The following LPP variants were observed in gnomAD, a reference collection of about 807,000 sequenced individuals.
LPP encodes the protein lipoma-preferred partner.
A neutral mutation model predicts 60.4 loss-of-function variants in LPP; 38 were observed. The ratio of observed to expected loss-of-function variants is 0.63; its 90% CI spans 0.49 to 0.83. LPP has a LOEUF of 0.83. Among genes scored for constraint, LPP ranks in the 40% least tolerant of loss-of-function variants. The pLI is 0.00. For synonymous variants in LPP, 328 were observed against 290.8 expected (o/e 1.13, Z -1.30); for missense variants, 902 against 783.6 (o/e 1.15, Z -1.80).
intron 2 of LPP, among the ~76,000 whole-genome samples, chr3:188,253,003 C>A (rs548605714): frequency 1.3e-5 from 2 of 151,256 alleles, no homozygotes; most frequent in Non-Finnish European, 2.9e-5. Context: ...AAACTCCTAA[C>A]CTCAAGTGAT....
At chr3:188,478,128 T>G (rs2149593162) in intron 4 of LPP, among the ~76,000 whole-genome samples, 1 of 152,356 alleles carries the variant, frequency 6.6e-6, no homozygotes, top group Middle Eastern at 3.4e-3. Flanking sequence ...TGTTTTATCC[T>G]CTCACTTTTT....
In LPP at chr3:188,609,630, A is replaced by C. The variant is rs866790900; in HGVS notation, c.899A>C (p.Tyr300Ser). 6.2e-7 allele frequency: 1 copy of C among 1,614,062 alleles called. No homozygotes were observed. Among genetic ancestry groups the C allele is most frequent in the African/African-American group, 1.3e-5 (1 of 74,920 alleles). ...APNQGRYYEG[Y>S]YAAGPGYGGR... ...AACCAGGGACGCTATTATGAAGGCT[A>C]CTATGCAGCAGGGCCAGGCTATGGG... The change falls in exon 7 of 12, where the codon TAC becomes TCC. Residue 300 changes from tyrosine to serine, a missense_variant. Coordinates refer to ENST00000617246, the MANE Select transcript of LPP (RefSeq NM_001375462.1). This position sits in a 1 kb window ranked among gnomAD's most constrained non-coding sequence, Gnocchi z 6.9.
intron 2 of LPP, among the ~76,000 whole-genome samples, chr3:188,316,443 A>G (rs1172928444): frequency 6.7e-6 from 1 of 149,566 alleles, no homozygotes; most frequent in Non-Finnish European, 1.5e-5. Flanking sequence ...CTACTGGAAG[A>G]AAAAAAAAAT....
At chr3:188,338,513 GT>G (rs893090225) in intron 2 of LPP, among the ~76,000 whole-genome samples, 2 of 152,188 alleles carry the variant, frequency 1.3e-5, no homozygotes, top group African/African-American at 4.8e-5. Context: ...TTTCGCAGTG[GT>G]TTTGGGATAA....
intron 2 of LPP, among the ~76,000 whole-genome samples, chr3:188,242,844 A>T (rs1725471368): frequency 6.6e-6 from 1 of 152,248 alleles, no homozygotes; most frequent in Non-Finnish European, 1.5e-5. Flanking sequence ...CGATGTCTAC[A>T]AAATGCTTTA....
chr3:188,756,471 T>G (rs1287644559), intron 8 of LPP, among the ~76,000 whole-genome samples: 1 of 152,152 alleles, frequency 6.6e-6, no homozygotes, highest in East Asian at 1.9e-4. Context: ...TGTTTAAAAG[T>G]GCTGAGATAC....
At chr3:188,169,748 T>C (rs1721011006) in intron 1 of LPP, among the ~76,000 whole-genome samples, 1 of 152,170 alleles carries the variant, frequency 6.6e-6, no homozygotes, top group African/African-American at 2.4e-5. Context: ...TGATGTAATA[T>C]GCTTTGGGGA....
chr3:188,670,138 G>T (rs1856678320), intron 7 of LPP, among the ~76,000 whole-genome samples: 2 of 152,114 alleles, frequency 1.3e-5, no homozygotes, highest in Non-Finnish European at 2.9e-5. Context: ...AGCATTAGGA[G>T]AAATACCTAA....
Position 188,625,630 on chromosome 3 carries a change from A to G in LPP, c.1113+15786A>G, listed in dbSNP as rs192414467. ...GAATCAACAATATGAAATATGTGGAACTTGAAATCATAGTTTCCAACTTTT... is the reference window on the plus strand; with the variant it reads ...GAATCAACAATATGAAATATGTGGAGCTTGAAATCATAGTTTCCAACTTTT... On this transcript the variant is annotated intron_variant, in intron 7 of 11. Transcript: ENST00000617246. 1.3e-3 allele frequency among the ~76,000 whole-genome samples: 193 copies of G among 152,322 alleles called. 1 individual carries two copies. Among genetic ancestry groups the G allele is most frequent in the African/African-American group, 4.4e-3 (183 of 41,570 alleles).
intron 6 of LPP, among the ~76,000 whole-genome samples, chr3:188,585,154 T>G (rs1270962909): frequency 1.3e-5 from 2 of 152,222 alleles, no homozygotes; most frequent in African/African-American, 4.8e-5. Flanking sequence ...AATATGATTC[T>G]GCAGAGAACC....
chr3:188,761,645 C>T (rs957665287), intron 9 of LPP, among the ~76,000 whole-genome samples: 2 of 152,210 alleles, frequency 1.3e-5, no homozygotes, highest in South Asian at 2.1e-4. Flanking sequence ...CCGTTATTCA[C>T]GCTCCACAGT....
At chr3:188,514,604 G>A (rs1560504855) in intron 5 of LPP, among the ~76,000 whole-genome samples, 1 of 151,960 alleles carries the variant, frequency 6.6e-6, no homozygotes, top group Admixed American at 6.6e-5. Context: ...ACCACGCCCA[G>A]CTAAATTTTG....
intron 9 of LPP, among the ~76,000 whole-genome samples, chr3:188,770,168 C>CTTTTT (rs57278260): frequency 1.5e-5 from 1 of 64,598 alleles, no homozygotes; most frequent in Non-Finnish European, 3.0e-5. Context: ...AGTTATAATT[C>CTTTTT]TTTTTTTTTT....
intron 9 of LPP, among the ~76,000 whole-genome samples, chr3:188,825,265 CTCTCTGTGTGTGTGTG>C (rs1200503828): frequency 2.1e-4 from 21 of 100,730 alleles, no homozygotes; most frequent in African/African-American, 7.5e-4. Context: ...CTCTCTCTCT[CTCTCTGTGTGTGTGTG>C]TGTGTGTGTG....
rs148036997 is a variant in LPP, at chr3:188,723,416, C to T, written c.1240+15023C>T. Among the ~76,000 whole-genome samples, 7 of 152,206 alleles carry T rather than the reference C, an allele frequency of 4.6e-5. No individual in the cohort carries two copies. The East Asian group carries it at 1.4e-3, about 29-fold the overall frequency. On this transcript the variant is annotated intron_variant, in intron 8 of 11. Transcript: ENST00000617246. ...GCATTCTAATCAAGAGAGTTTGGGG[C>T]CCCTCAGTAATTGCTTCTCAAACCA...
At chr3:188,592,346 GCA>G (rs1193814893) in intron 6 of LPP, among the ~76,000 whole-genome samples, 1 of 150,630 alleles carries the variant, frequency 6.6e-6, no homozygotes, top group Non-Finnish European at 1.5e-5. Context: ...AAACACACAC[GCA>G]CACAGTCACA....
intron 6 of LPP, among the ~76,000 whole-genome samples, chr3:188,532,091 A>C (rs1399559772): frequency 3.3e-5 from 5 of 152,240 alleles, no homozygotes; most frequent in Non-Finnish European, 5.9e-5. Flanking sequence ...TATGAAAAAA[A>C]CCCTCACATT....
chr3:188,395,835 G>T (rs1780815761), intron 3 of LPP, among the ~76,000 whole-genome samples: 1 of 152,030 alleles, frequency 6.6e-6, no homozygotes, highest in African/African-American at 2.4e-5. Flanking sequence ...AAATACTTGA[G>T]TCTAGGAGTT....
chr3:188,531,417 T>A (rs1013923228), intron 6 of LPP, among the ~76,000 whole-genome samples: 35 of 152,070 alleles, frequency 2.3e-4, no homozygotes, highest in African/African-American at 8.2e-4. Context: ...GAAATATCTA[T>A]TGTTTTGATG....
Sources: allele counts gnomAD v4.1 joint callset (sites outside exome capture counted in the v4.1 genomes callset), GRCh38; gene constraint gnomAD v4.1.1; non-coding constraint Gnocchi (gnomAD v3.1); transcripts MANE v1.5; gene names NCBI Gene and HGNC (gene_info 2026-07-23, HGNC 2026-07-21).